Variants in ALG9 observed in about 807,000 individuals in gnomAD.
ALG9 encodes alpha-1,2-mannosyltransferase ALG9.
In ALG9, 55 loss-of-function variants were observed where a neutral mutation model predicts 81.8. That is an observed-to-expected ratio of 0.67 (90% CI 0.54 to 0.84). The LOEUF (loss-of-function observed/expected upper bound fraction) is 0.84. ALG9 is among the 40% of genes least tolerant of loss of function. ALG9 has a pLI of 0.00. For synonymous variants in ALG9, 278 were observed against 274.3 expected (o/e 1.01, Z -0.13); for missense variants, 629 against 745.0 (o/e 0.84, Z 1.81).
chr11:111,779,056 C>T (rs1188436228), downstream of ALG9, among the ~76,000 whole-genome samples: 2 of 152,080 alleles, frequency 1.3e-5, no homozygotes, highest in Non-Finnish European at 2.9e-5. Flanking sequence ...TCAGGTGATC[C>T]GCCCACCACA....
At chr11:111,840,403 T>G (rs1377626385) in intron 10 of ALG9, among the ~76,000 whole-genome samples, 1 of 152,192 alleles carries the variant, frequency 6.6e-6, no homozygotes, top group East Asian at 1.9e-4. Flanking sequence ...AATTCTGCAA[T>G]TGGATTCCTG....
chr11:111,817,606 C>T (rs2136523652), intron 13 of ALG9: 1 of 152,362 alleles, frequency 6.6e-6, no homozygotes, highest in Admixed American at 6.5e-5. Context: ...GTGCACACCA[C>T]CACGCCTGGC....
intron 6 of ALG9, among the ~76,000 whole-genome samples, chr11:111,856,417 A>G (rs1458881423): frequency 6.6e-6 from 1 of 151,940 alleles, no homozygotes; most frequent in African/African-American, 2.4e-5. Flanking sequence ...ACAATTATAT[A>G]AATTTAATAT....
intron 13 of ALG9, among the ~76,000 whole-genome samples, chr11:111,812,927 A>AAAAAAG (rs1295613621): frequency 1.3e-5 from 2 of 151,118 alleles, no homozygotes; most frequent in Non-Finnish European, 3.0e-5. Flanking sequence ...AAAAAAAAAA[A>AAAAAAG]AAAAAAGAAA....
intron 14 of ALG9, among the ~76,000 whole-genome samples, chr11:111,798,648 C>A (rs1198934671): frequency 6.6e-6 from 1 of 152,164 alleles, no homozygotes; most frequent in Admixed American, 6.5e-5. Context: ...CACAGAGTAA[C>A]AAATGTGTCT....
chr11:111,777,395 A>C (rs1945733185), downstream of ALG9, among the ~76,000 whole-genome samples: 1 of 152,238 alleles, frequency 6.6e-6, no homozygotes. Context: ...TTACACTGGA[A>C]TTACATCAAA....
At chr11:111,850,746 T>C (rs1957673836) in intron 8 of ALG9, among the ~76,000 whole-genome samples, 1 of 129,492 alleles carries the variant, frequency 7.7e-6, no homozygotes, top group Non-Finnish European at 1.6e-5. Flanking sequence ...TTTTTTTCTT[T>C]TACCAAATTC....
intron 6 of ALG9, among the ~76,000 whole-genome samples, chr11:111,855,297 G>A (rs1056182527): frequency 2.6e-5 from 4 of 152,080 alleles, no homozygotes; most frequent in South Asian, 2.1e-4. Context: ...CAGGTCAGTC[G>A]GCCAACCTCC....
intron 9 of ALG9, among the ~76,000 whole-genome samples, chr11:111,841,418 C>T (rs1956193376): frequency 6.6e-6 from 1 of 152,188 alleles, no homozygotes. Flanking sequence ...TTTTGCAATA[C>T]TCATCCACTC....
Position 111,837,588 on chromosome 11 carries a change from G to C in ALG9, c.1352C>G (p.Pro451Arg), listed in dbSNP as rs782500957. 6.2e-7 allele frequency: 1 copy of C among 1,614,074 alleles called. No individual in the cohort carries two copies. Among genetic ancestry groups the C allele is most frequent in the Admixed American group, 1.7e-5 (1 of 60,016 alleles). ...GTCTGTAGCAATTCGGTAAAATTCT[G>C]GATACAAATCAAGGGGCCCGTGATA... ...RGYHGPLDLY[P>R]EFYRIATDPT... is the part of the protein sequence containing the mutation. The change falls in exon 12 of 15, where the codon CCA becomes CGA. Residue 451 changes from proline (P) to arginine (R), a missense_variant. Pro to Arg is a moderately radical substitution (Grantham distance 103). Transcript: ENST00000616540.
At position 111,870,369 on chromosome 11, in the gene ALG9, ACCTGTTC is replaced by A; in HGVS notation, c.132-6_132del. The stretch of plus-strand genomic sequence containing the variant: ...ACTTGTCCTGCTTTGTTCCCAGATA[ACCTGTTC>A]AAAAGCAAAAAAAAAAAAAAAAAAA... On this transcript the variant is annotated splice_acceptor_variant and splice_polypyrimidine_tract_variant and coding_sequence_variant and intron_variant, in exon 2 of 15. Transcript: ENST00000616540. LOFTEE classifies it high-confidence loss of function. 1 of 1,441,146 alleles carries A rather than the reference ACCTGTTC, an allele frequency of 6.9e-7. No individual in the cohort carries two copies. Among genetic ancestry groups the A allele is most frequent in the East Asian group, 2.5e-5 (1 of 39,242 alleles). The allele number at this position is 1,441,146 out of a possible 1,614,324, so 89.3% of individuals were successfully genotyped here.
chr11:111,855,638 G>C (rs1958547356), intron 6 of ALG9, among the ~76,000 whole-genome samples: 1 of 152,156 alleles, frequency 6.6e-6, no homozygotes, highest in South Asian at 2.1e-4. Context: ...ACAAGTAAAG[G>C]AACAGCTATG....
At chr11:111,777,424 T>C (rs190677944), downstream of ALG9, among the ~76,000 whole-genome samples, 41 of 152,278 alleles carry the variant, frequency 2.7e-4, no homozygotes, top group East Asian at 5.0e-3. Context: ...TGAACTAAAT[T>C]GCTGGAGGGA....
intron 14 of ALG9, chr11:111,788,440 C>A (rs782201898): frequency 2.2e-6 from 1 of 453,972 alleles, no homozygotes; most frequent in Non-Finnish European, 4.4e-6. Flanking sequence ...GAAGCACCTA[C>A]CCCAGTCAAG....
At position 111,838,411 on chromosome 11, in the gene ALG9, A is replaced by T; in HGVS notation, c.1174-12T>A. 2 of 1,601,726 alleles carry T rather than the reference A, an allele frequency of 1.2e-6. No homozygotes were observed. The highest frequency in any genetic ancestry group is 4.5e-5 in the East Asian group (2 of 44,716). On this transcript the variant is annotated splice_polypyrimidine_tract_variant and intron_variant, in intron 10 of 14. Transcript: ENST00000616540. ...TACAGAAAACTGTGCTGATAAAAGA[A>T]AATATAATTTGTAGAATATACATAA...
intron 13 of ALG9, chr11:111,829,249 ACAAAATTG>A (rs1216093264): frequency 6.6e-6 from 1 of 152,212 alleles, no homozygotes; most frequent in Non-Finnish European, 1.5e-5. Flanking sequence ...ATCAAAAATA[ACAAAATTG>A]TAGGGTGACA....
Position 111,837,576 on chromosome 11 carries a change from C to T in ALG9, c.1364G>A (p.Arg455Gln), listed in dbSNP as rs782144035. 1.3e-5 allele frequency: 21 copies of T among 1,613,906 alleles called. No homozygotes were observed. Among genetic ancestry groups the T allele is most frequent in the Middle Eastern group, 1.6e-4 (1 of 6,078 alleles). Residue 455 changes from arginine (R) to glutamine (Q), a missense_variant, in exon 12 of 15, where the codon CGA becomes CAA. Physicochemically the swap from Arg to Gln is conservative, Grantham distance 43 (BLOSUM62 1). Around this residue, in one of 3 missense-constraint regions of ALG9, gnomAD observed 264 missense variants for 302.2 expected, o/e 0.87. Coordinates refer to ENST00000616540, the MANE Select transcript of ALG9 (RefSeq NM_024740.2). ...GPLDLYPEFY[R>Q]IATDPTIHTV... is the part of the protein sequence containing the mutation. Reference sequence around the variant, plus strand: ...GTGGATGGTTGGGTCTGTAGCAATTCGGTAAAATTCTGGATACAAATCAAG... The same window carrying T: ...GTGGATGGTTGGGTCTGTAGCAATTTGGTAAAATTCTGGATACAAATCAAG...
chr11:111,796,241 A>T (rs1428151927), intron 14 of ALG9, among the ~76,000 whole-genome samples: 1 of 152,252 alleles, frequency 6.6e-6, no homozygotes, highest in Non-Finnish European at 1.5e-5. Context: ...CAATCAATAC[A>T]TATTTTCTAA....
rs552922630 is a variant in ALG9 at position 111,835,356 on chromosome 11, C to G, written c.1602+809G>C. 3.9e-5 allele frequency among the ~76,000 whole-genome samples: 6 copies of G among 152,320 alleles called. No individual in the cohort carries two copies. The South Asian group carries it at 1.2e-3, about 32-fold the overall frequency. On this transcript the variant is annotated intron_variant, in intron 13 of 14. Coordinates refer to ENST00000616540, the MANE Select transcript of ALG9 (RefSeq NM_024740.2). Reference sequence around the variant, plus strand: ...AGGTATCAAATGTCAAAAGTGTCATCTTTCAAAGGAACTGAAGTAAAATTC... The same window carrying G: ...AGGTATCAAATGTCAAAAGTGTCATGTTTCAAAGGAACTGAAGTAAAATTC...
Sources: allele counts gnomAD v4.1 joint callset (sites outside exome capture counted in the v4.1 genomes callset), GRCh38; gene constraint gnomAD v4.1.1; regional missense constraint gnomAD v4.1.1; transcripts MANE v1.5; gene names NCBI Gene and HGNC (gene_info 2026-07-23, HGNC 2026-07-21).